Variants in B3GAT2 observed in about 807,000 individuals in gnomAD.
The protein encoded by B3GAT2 is beta-1,3-glucuronyltransferase 2.
Under a neutral mutation model 27.8 loss-of-function variants are expected in B3GAT2, and 26 were observed. The ratio of observed to expected loss-of-function variants is 0.93; its 90% CI spans 0.68 to 1.30. The LOEUF (loss-of-function observed/expected upper bound fraction) is 1.30, where lower values mean the gene tolerates loss of function less well. Ranked by LOEUF, B3GAT2 falls within the 50% of genes most tolerant of loss-of-function variation. The probability of loss-of-function intolerance (pLI) is 0.00; values close to 1 mark genes in which losing one functional copy is unlikely to be tolerated. For missense variants in B3GAT2, 458 were observed against 459.0 expected, an observed-to-expected ratio of 1.00 and a Z score of 0.02; for synonymous variants, 218 against 195.1, an observed-to-expected ratio of 1.12 and a Z score of -0.98.
intron 1 of B3GAT2, among the ~76,000 whole-genome samples, chr6:70,930,086 T>C (rs1203522780): frequency 5.3e-5 from 8 of 152,234 alleles, no homozygotes; most frequent in African/African-American, 1.9e-4. Context: ...AAACAAGAAA[T>C]GGGGAAAAGA....
intron 1 of B3GAT2, among the ~76,000 whole-genome samples, chr6:70,899,142 A>G (rs1772447894): frequency 1.3e-5 from 2 of 152,200 alleles, no homozygotes; most frequent in Non-Finnish European, 2.9e-5. Flanking sequence ...GACATTTTTA[A>G]AAAAGGAAAA....
intron 2 of B3GAT2, among the ~76,000 whole-genome samples, chr6:70,868,889 A>G (rs1771893157): frequency 6.6e-6 from 1 of 152,136 alleles, no homozygotes; most frequent in South Asian, 2.1e-4. Flanking sequence ...CAAAGCATAC[A>G]CTGCCTTTTG....
At chr6:70,870,591 CCAAA>C (rs1022488176) in intron 2 of B3GAT2, among the ~76,000 whole-genome samples, 95 of 151,872 alleles carry the variant, frequency 6.3e-4, no homozygotes, top group African/African-American at 2.2e-3. Context: ...ACAGAGATGT[CCAAA>C]CAGCCATGTA....
chr6:70,887,376 C>A (rs533752167), intron 2 of B3GAT2, among the ~76,000 whole-genome samples: 1 of 152,298 alleles, frequency 6.6e-6, no homozygotes, highest in South Asian at 2.1e-4. Flanking sequence ...CCACAGAAAG[C>A]AGCCTTCAGC....
chr6:70,950,265 A>G (rs1294583384), intron 1 of B3GAT2, among the ~76,000 whole-genome samples: 1 of 148,052 alleles, frequency 6.8e-6, no homozygotes, highest in Non-Finnish European at 1.5e-5. Context: ...GAACAAAGAA[A>G]GCTAATAAAG....
intron 2 of B3GAT2, among the ~76,000 whole-genome samples, chr6:70,893,344 T>C (rs1161535480): frequency 6.6e-6 from 1 of 152,072 alleles, no homozygotes; most frequent in Non-Finnish European, 1.5e-5. Context: ...GAGCTCAAGA[T>C]TGATGAGATC....
chr6:70,861,491 A>G lies in B3GAT2; in HGVS notation c.*172T>C. The G allele has an allele frequency of 1.6e-6, 1 of 609,412 alleles. No individual in the cohort carries two copies. Among genetic ancestry groups the G allele is most frequent in the Non-Finnish European group, 2.9e-6 (1 of 342,364 alleles). 37.8% of individuals were successfully genotyped at this position (609,412 alleles called of 1,614,324 possible). A position where few individuals can be genotyped will look rare whatever the true frequency, so the allele number is the denominator to read the frequency against. ...TACATTTTGTACCAACCATCCAATT[A>G]GCTTATGTTAACTGACAAGCTCCAT... On this transcript the variant is annotated 3_prime_UTR_variant, in exon 4 of 4. Coordinates refer to ENST00000230053, the MANE Select transcript of B3GAT2 (RefSeq NM_080742.3).
chr6:70,889,617 C>T (rs563916776), intron 2 of B3GAT2, among the ~76,000 whole-genome samples: 9 of 152,220 alleles, frequency 5.9e-5, no homozygotes, highest in Admixed American at 2.0e-4. Flanking sequence ...TCACACAACC[C>T]TCGAGTTGGA....
intron 2 of B3GAT2, among the ~76,000 whole-genome samples, chr6:70,867,910 A>C (rs1431812274): frequency 6.6e-6 from 1 of 152,166 alleles, no homozygotes; most frequent in Admixed American, 6.6e-5. Context: ...AATTCTCAAA[A>C]TTTTAGCAAA....
At chr6:70,887,563 G>T (rs540616) in intron 2 of B3GAT2, among the ~76,000 whole-genome samples, 49,997 of 152,060 alleles carry the variant, frequency 0.33, 12,897 homozygotes, top group African/African-American at 0.7. Context: ...ATTGGGCAAG[G>T]AGTGGAGGGC....
At chr6:70,876,953 G>A (rs1236848527) in intron 2 of B3GAT2, among the ~76,000 whole-genome samples, 1 of 152,222 alleles carries the variant, frequency 6.6e-6, no homozygotes, top group African/African-American at 2.4e-5. Flanking sequence ...GAGGGACTTT[G>A]AAGCATCCAT....
chr6:70,895,034 G>T (rs1772355633), intron 1 of B3GAT2, among the ~76,000 whole-genome samples: 2 of 152,068 alleles, frequency 1.3e-5, no homozygotes, highest in South Asian at 4.2e-4. Context: ...CTTTTTCCAG[G>T]GCTCATGCTG....
At position 70,856,687 on chromosome 6, in the gene B3GAT2, G is replaced by C; in HGVS notation, c.*4976C>G. 1 of 534,026 alleles carries C rather than the reference G, an allele frequency of 1.9e-6. No homozygotes were observed. Among genetic ancestry groups the C allele is most frequent in the South Asian group, 4.2e-5 (1 of 23,910 alleles). 33.1% of individuals were successfully genotyped at this position (534,026 alleles called of 1,614,324 possible). On this transcript the variant is annotated 3_prime_UTR_variant, in exon 4 of 4. Coordinates refer to ENST00000230053, the MANE Select transcript of B3GAT2 (RefSeq NM_080742.3). ...ATTAAGAAGTACTGTCTTGATTGTA[G>C]ATGTTTTTATATGGGCTTGGGCTTG...
At chr6:70,868,030 C>T (rs958997587) in intron 2 of B3GAT2, among the ~76,000 whole-genome samples, 4 of 151,550 alleles carry the variant, frequency 2.6e-5, no homozygotes, top group African/African-American at 9.7e-5. Flanking sequence ...ACCATATTAG[C>T]AGACTAAAAA....
chr6:70,860,141 G>GAAAC lies in B3GAT2; in HGVS notation c.*1518_*1521dup, dbSNP rs1771647790. ...AAAAATGACCAACTGTGTGGCTAAA[G>GAAAC]AAACAAGAATTAAAAGTGAAGTAAG... On this transcript the variant is annotated 3_prime_UTR_variant, in exon 4 of 4. Coordinates refer to ENST00000230053, the MANE Select transcript of B3GAT2 (RefSeq NM_080742.3). The GAAAC allele has an allele frequency of 6.6e-7, 1 of 1,507,552 alleles. No individual in the cohort carries two copies. The highest frequency in any genetic ancestry group is 2.3e-5 in the Admixed American group (1 of 43,618). The allele number at this position is 1,507,552 out of a possible 1,614,324, so 93.4% of individuals were successfully genotyped here.
intron 1 of B3GAT2, among the ~76,000 whole-genome samples, chr6:70,945,867 C>T (rs1010603125): frequency 4.0e-5 from 6 of 151,438 alleles, no homozygotes; most frequent in East Asian, 1.9e-4. Context: ...GACTAACAGC[C>T]GATCTCTCGG....
chr6:70,929,318 C>T, intron 1 of B3GAT2, among the ~76,000 whole-genome samples: 1 of 151,894 alleles, frequency 6.6e-6, no homozygotes, highest in East Asian at 1.9e-4. Flanking sequence ...GCACATTGTG[C>T]ACATGTACCC....
rs184445716 is a variant in B3GAT2, at chr6:70,894,536, T to A, written c.592-264A>T. On this transcript the variant is annotated intron_variant, in intron 1 of 3. Coordinates refer to ENST00000230053, the MANE Select transcript of B3GAT2 (RefSeq NM_080742.3). ...ATGGTTGTCAATATCTGGACATCGC[T>A]GATTTGAAGCTAAGTTGCAACTATC... is the stretch of plus-strand genomic sequence containing the variant. Among the ~76,000 whole-genome samples the A allele has an allele frequency of 2.2e-3, 329 of 152,360 alleles. 5 individuals carry two copies. The highest frequency in any genetic ancestry group is 7.8e-3 in the African/African-American group (326 of 41,588).
At chr6:70,932,509 T>G (rs1375691367) in intron 1 of B3GAT2, among the ~76,000 whole-genome samples, 1 of 152,146 alleles carries the variant, frequency 6.6e-6, no homozygotes, top group Non-Finnish European at 1.5e-5. Flanking sequence ...TGGATGAACC[T>G]TAAGGACATT....
Sources: gnomAD v4.1 joint callset for allele counts (sites outside exome capture counted in the v4.1 genomes callset) on GRCh38, gnomAD v4.1.1 for gene constraint, MANE v1.5 for transcripts, NCBI Gene and HGNC (gene_info 2026-07-23, HGNC 2026-07-21) for gene names.